WARS2: variants seen among roughly 807,000 people sequenced by gnomAD.
WARS2 encodes the protein tryptophan--tRNA ligase, mitochondrial.
A neutral mutation model predicts 36.5 loss-of-function variants in WARS2; 28 were observed. The ratio of observed to expected loss-of-function variants is 0.77; its 90% CI spans 0.57 to 1.05. The LOEUF (loss-of-function observed/expected upper bound fraction) is 1.05. Among genes scored for constraint, WARS2 ranks in the 50% least tolerant of loss-of-function variants. WARS2 has a pLI of 0.00. For synonymous variants in WARS2, 174 were observed against 178.4 expected, an observed-to-expected ratio of 0.98 and a Z score of 0.20; for missense variants, 435 against 456.8, an observed-to-expected ratio of 0.95 and a Z score of 0.44.
At chr1:119,078,087 A>T (rs1243028576) in intron 1 of WARS2, among the ~76,000 whole-genome samples, 2 of 152,228 alleles carry the variant, frequency 1.3e-5, no homozygotes, top group African/African-American at 4.8e-5. Flanking sequence ...ATTTAACTAG[A>T]TTGCCCATGG....
At chr1:119,122,413 G>A (rs906225968) in intron 1 of WARS2, among the ~76,000 whole-genome samples, 1 of 152,118 alleles carries the variant, frequency 6.6e-6, no homozygotes, top group Non-Finnish European at 1.5e-5. Context: ...GCATGGATGT[G>A]GTGAGAAGGA....
intron 2 of WARS2, among the ~76,000 whole-genome samples, chr1:119,074,574 T>C (rs960908177): frequency 6.6e-6 from 1 of 152,198 alleles, no homozygotes; most frequent in Non-Finnish European, 1.5e-5. Context: ...TTGAGGTAAA[T>C]TGACTTTATG....
intron 1 of WARS2, among the ~76,000 whole-genome samples, chr1:119,100,651 A>G (rs1213168837): frequency 6.6e-6 from 1 of 152,178 alleles, no homozygotes; most frequent in Non-Finnish European, 1.5e-5. Context: ...AGCAATGTGG[A>G]TAGAACTGGG....
chr1:119,097,157 T>C (rs1653498709), intron 1 of WARS2, among the ~76,000 whole-genome samples: 1 of 152,216 alleles, frequency 6.6e-6, no homozygotes, highest in South Asian at 2.1e-4. Context: ...AACAATGCTA[T>C]TGAAATGTCA....
intron 2 of WARS2, 25 bp from the exon 3 acceptor site, chr1:119,045,687 G>A: frequency 6.4e-7 from 1 of 1,553,124 alleles, no homozygotes. Flanking sequence ...TAGAACATTA[G>A]TAAAGGTGGC....
intron 4 of WARS2, among the ~76,000 whole-genome samples, chr1:119,039,233 C>A (rs1648138416): frequency 6.6e-6 from 1 of 152,130 alleles, no homozygotes; most frequent in Non-Finnish European, 1.5e-5. Context: ...CATGTCAAGT[C>A]CTTCCTTTCC....
chr1:119,086,159 C>T (rs1167965986), intron 1 of WARS2, among the ~76,000 whole-genome samples: 2 of 152,172 alleles, frequency 1.3e-5, no homozygotes, highest in African/African-American at 4.8e-5. Flanking sequence ...TGCACCCAGC[C>T]TTCATAAGAA....
rs565672948 is a variant in WARS2 at position 119,048,625 on chromosome 1, G to A, written c.349-2963C>T. ...GTCCCTTTAAATGATATCAAAGAGG[G>A]GCAAGGCATGGTCTATGGCTAGGGC... On this transcript the variant is annotated intron_variant, in intron 2 of 5. Coordinates refer to ENST00000235521, the MANE Select transcript of WARS2 (RefSeq NM_015836.4). 9.9e-5 allele frequency among the ~76,000 whole-genome samples: 15 copies of A among 152,126 alleles called. No homozygotes were observed. The South Asian group carries it at 2.9e-3, about 29-fold the overall frequency.
rs1487859990 is a variant in WARS2 at position 119,031,389 on chromosome 1, C to CCCATG, written c.*1517_*1521dup. ...TACAAAAGGCAAAATGTTTCCTTTA[C>CCCATG]CCATGATCCAGGCTAGCTCCAAGAA... On this transcript the variant is annotated 3_prime_UTR_variant, in exon 6 of 6. Coordinates refer to ENST00000235521, the MANE Select transcript of WARS2 (RefSeq NM_015836.4). The CCCATG allele has an allele frequency of 6.6e-6, 1 of 152,160 alleles. No individual in the cohort carries two copies. The highest frequency in any genetic ancestry group is 6.5e-5 in the Admixed American group (1 of 15,280). 9.4% of individuals were successfully genotyped at this position (152,160 alleles called of 1,614,324 possible). A position where few individuals can be genotyped will look rare whatever the true frequency, so the allele number is the denominator to read the frequency against.
At chr1:119,095,534 G>T (rs1653377563) in intron 1 of WARS2, among the ~76,000 whole-genome samples, 1 of 152,112 alleles carries the variant, frequency 6.6e-6, no homozygotes, top group Admixed American at 6.5e-5. Context: ...CTGGGTTCAA[G>T]GGATTCTCCT....
At chr1:119,077,335 C>T (rs937030291) in intron 1 of WARS2, among the ~76,000 whole-genome samples, 1 of 152,076 alleles carries the variant, frequency 6.6e-6, no homozygotes, top group Non-Finnish European at 1.5e-5. Flanking sequence ...ACGAGGAAGC[C>T]TTCAGACATA....
chr1:119,125,418 C>T (rs1295395544), intron 1 of WARS2, among the ~76,000 whole-genome samples: 1 of 152,176 alleles, frequency 6.6e-6, no homozygotes, highest in Non-Finnish European at 1.5e-5. Context: ...ATCTTAATTA[C>T]TTGTTGCCTG....
At position 119,032,865 on chromosome 1, in the gene WARS2, A is replaced by G. The variant is rs1160167054; in HGVS notation, c.*46T>C. ...AGGAAAGCTGCCGTTATCAGAATGC[A>G]TGGAGTGCAAGGCACAAAAGCCTTG... On this transcript the variant is annotated 3_prime_UTR_variant, in exon 6 of 6. Coordinates refer to ENST00000235521, the MANE Select transcript of WARS2 (RefSeq NM_015836.4). 6.5e-7 allele frequency: 1 copy of G among 1,529,872 alleles called. No homozygotes were observed. Among genetic ancestry groups the G allele is most frequent in the Admixed American group, 2.0e-5 (1 of 50,310 alleles). 94.8% of individuals were successfully genotyped at this position (1,529,872 alleles called of 1,614,324 possible).
chr1:119,060,353 C>G (rs573764032), intron 2 of WARS2, among the ~76,000 whole-genome samples: 1 of 152,302 alleles, frequency 6.6e-6, no homozygotes, highest in East Asian at 1.9e-4. Context: ...TGCCTTCATG[C>G]TATAACCCCA....
intron 2 of WARS2, among the ~76,000 whole-genome samples, chr1:119,062,413 G>A (rs377458085): frequency 1.3e-5 from 2 of 151,966 alleles, no homozygotes; most frequent in African/African-American, 4.8e-5. Context: ...TTTCCAAAAT[G>A]AGATTTGTGA....
intron 1 of WARS2, among the ~76,000 whole-genome samples, chr1:119,086,316 A>C (rs1464281264): frequency 6.6e-6 from 1 of 152,192 alleles, no homozygotes; most frequent in Non-Finnish European, 1.5e-5. Context: ...TCTTCAGCTG[A>C]TTATCTGAGA....
intron 2 of WARS2, among the ~76,000 whole-genome samples, chr1:119,069,793 C>A (rs1651155531): frequency 6.6e-6 from 1 of 152,022 alleles, no homozygotes; most frequent in African/African-American, 2.4e-5. Context: ...AATGAACTGC[C>A]AAACTGTGAG....
chr1:119,043,047 A>G (rs1007375361), intron 3 of WARS2, among the ~76,000 whole-genome samples: 1 of 152,038 alleles, frequency 6.6e-6, no homozygotes, highest in African/African-American at 2.4e-5. Context: ...GAAACATTTA[A>G]TAACTGGGGG....
rs1040742397 is a variant in WARS2 at position 119,082,311 on chromosome 1, T to C, written c.91-5704A>G. 1.0e-4 allele frequency: 103 copies of C among 985,378 alleles called. 1 individual carries two copies. The Middle Eastern group carries it at 1.6e-3, about 15-fold the overall frequency. The allele number at this position is 985,378 out of a possible 1,614,324, so 61.0% of individuals were successfully genotyped here. ...ATTTTCAAATTTCAAGAGTTACACATCTATTTTCCTTACACGTGCTGTACC... is the reference window on the plus strand; with the variant it reads ...ATTTTCAAATTTCAAGAGTTACACACCTATTTTCCTTACACGTGCTGTACC... On this transcript the variant is annotated intron_variant, in intron 1 of 5. Coordinates refer to ENST00000235521, the MANE Select transcript of WARS2 (RefSeq NM_015836.4).
Sources: allele counts gnomAD v4.1 joint callset (sites outside exome capture counted in the v4.1 genomes callset), GRCh38; gene constraint gnomAD v4.1.1; transcripts MANE v1.5; gene names NCBI Gene and HGNC (gene_info 2026-07-23, HGNC 2026-07-21).